SNURF: variants seen among roughly 807,000 people sequenced by gnomAD.
SNURF encodes SNRPN upstream open reading frame.
SNURF carries 6 observed loss-of-function variants against 11.6 expected under a neutral mutation model. The ratio of observed to expected loss-of-function variants is 0.52; its 90% CI spans 0.28 to 1.02. SNURF has a LOEUF of 1.02. SNURF is among the 50% of genes least tolerant of loss of function. SNURF has a pLI of 0.09. For missense variants in SNURF, 84 were observed against 88.4 expected (o/e 0.95, Z 0.20); for synonymous variants, 29 against 31.6 (o/e 0.92, Z 0.27).
At chr15:24,978,556 A>C, downstream of SNURF, 2 of 954,124 alleles carry the variant, frequency 2.1e-6, no homozygotes, top group Admixed American at 1.8e-5. Context: ...ATAGCTAATA[A>C]TAAATGCATA....
chr15:24,960,443 C>T (rs1018200990), intron 1 of SNURF, among the ~76,000 whole-genome samples: 13 of 152,018 alleles, frequency 8.6e-5, no homozygotes, highest in African/African-American at 2.2e-4. Flanking sequence ...TAGGCTCAAG[C>T]GCCCTCTCAC....
Position 24,962,113 on chromosome 15 carries a change from G to A in SNURF, c.15-1G>A. On this transcript the variant is annotated splice_acceptor_variant, in intron 1 of 2. Coordinates refer to ENST00000577949, the Ensembl canonical transcript of SNURF. LOFTEE classifies it high-confidence loss of function. Reference sequence around the variant, plus strand: ...ACAAATGCCTCTCTTTTCTGTTTCAGGGATCGCTTACACCTGAGACGAACT... The same window carrying A: ...ACAAATGCCTCTCTTTTCTGTTTCAAGGATCGCTTACACCTGAGACGAACT... 1 of 1,613,858 alleles carries A rather than the reference G, an allele frequency of 6.2e-7. No homozygotes were observed. The highest frequency in any genetic ancestry group is 8.5e-7 in the Non-Finnish European group (1 of 1,179,842).
rs116441120 is a variant in SNURF, at chr15:24,958,102, A to G, written c.14+3040A>G. The stretch of plus-strand genomic sequence containing the variant: ...TGCCTTATCTTGATTTCACTATTCT[A>G]TCTGACCAGTGTGTCATTGCCGAAA... On this transcript the variant is annotated intron_variant, in intron 1 of 2. Transcript: ENST00000577949. Among the ~76,000 whole-genome samples, 127 of 152,270 alleles carry G rather than the reference A, an allele frequency of 8.3e-4. 1 individual carries two copies. The highest frequency in any genetic ancestry group is 2.8e-3 in the African/African-American group (117 of 41,562).
At chr15:24,974,278 T>G in intron 3 of SNURF, 1 of 629,362 alleles carries the variant, frequency 1.6e-6, no homozygotes, top group South Asian at 2.0e-5. Context: ...CATGGTAGAT[T>G]GCAGTGCAGC....
intron 4 of SNURF, among the ~76,000 whole-genome samples, chr15:24,975,968 T>C (rs879575956): frequency 6.6e-6 from 1 of 152,218 alleles, no homozygotes; most frequent in Non-Finnish European, 1.5e-5. Context: ...GATTTAATTA[T>C]TTAAGTAATT....
At chr15:24,956,300 G>C (rs2062861668) in intron 1 of SNURF, among the ~76,000 whole-genome samples, 1 of 146,634 alleles carries the variant, frequency 6.8e-6, no homozygotes, top group African/African-American at 2.5e-5. Context: ...CCATTGTGCA[G>C]CTCCTTCAAG....
downstream of SNURF, chr15:24,978,203 T>G: frequency 1.9e-6 from 3 of 1,613,870 alleles, no homozygotes; most frequent in Non-Finnish European, 1.7e-6. Flanking sequence ...GCATTATGGC[T>G]CCTCCACCTG....
chr15:24,967,276 A>G (rs1391169497), intron 2 of SNURF: 1 of 152,800 alleles, frequency 6.5e-6, no homozygotes, highest in Non-Finnish European at 1.5e-5. Flanking sequence ...CCCTTGTACA[A>G]TCTCTGTGTA....
intron 6 of SNURF, chr15:24,977,636 C>CAA: frequency 7.4e-6 from 6 of 812,420 alleles, no homozygotes; most frequent in South Asian, 2.4e-5. Context: ...GAAACTGTCT[C>CAA]AAAAAAAAAC....
At chr15:24,978,311 C>T, downstream of SNURF, 2 of 1,614,114 alleles carry the variant, frequency 1.2e-6, no homozygotes, top group East Asian at 2.2e-5. Flanking sequence ...CTCCACCAGG[C>T]ATTAGAGGTG....
At chr15:24,966,867 A>G (rs924829725) in intron 2 of SNURF, among the ~76,000 whole-genome samples, 1 of 152,112 alleles carries the variant, frequency 6.6e-6, no homozygotes, top group Non-Finnish European at 1.5e-5. Context: ...GCAAGCTGTC[A>G]TTTCCTGTAT....
At chr15:24,978,031 A>G (rs1166587227), downstream of SNURF, 1 of 1,229,432 alleles carries the variant, frequency 8.1e-7, no homozygotes. Context: ...CTTCTTCTAG[A>G]TACTGGTTTT....
chr15:24,956,455 T>C (rs1426992374), intron 1 of SNURF, among the ~76,000 whole-genome samples: 2 of 151,964 alleles, frequency 1.3e-5, no homozygotes, highest in African/African-American at 4.8e-5. Context: ...GTACCCTCTT[T>C]AGGGTGCAGT....
At chr15:24,977,504 G>T (rs559056940) in intron 6 of SNURF, among the ~76,000 whole-genome samples, 1 of 152,178 alleles carries the variant, frequency 6.6e-6, no homozygotes, top group African/African-American at 2.4e-5. Flanking sequence ...GCTGTGTGTG[G>T]TGGTGGGTGC....
At chr15:24,963,689 T>A (rs1456273823) in intron 2 of SNURF, among the ~76,000 whole-genome samples, 1 of 152,130 alleles carries the variant, frequency 6.6e-6, no homozygotes, top group Non-Finnish European at 1.5e-5. Flanking sequence ...AGGTTTTTCC[T>A]CATAGTAAAA....
At chr15:24,971,247 A>G (rs909304271), downstream of SNURF, among the ~76,000 whole-genome samples, 2 of 152,188 alleles carry the variant, frequency 1.3e-5, no homozygotes, top group Non-Finnish European at 1.5e-5. Flanking sequence ...AAGATACACT[A>G]TGACTGCTCA....
chr15:24,955,872 G>A (rs926591014), intron 1 of SNURF, among the ~76,000 whole-genome samples: 12 of 151,902 alleles, frequency 7.9e-5, no homozygotes, highest in African/African-American at 1.2e-4. Context: ...CATGGCGGCC[G>A]CGGGGCCTGT....
chr15:24,975,915 A>C (rs2077010638), intron 4 of SNURF, among the ~76,000 whole-genome samples: 2 of 152,130 alleles, frequency 1.3e-5, no homozygotes, highest in South Asian at 4.1e-4. Context: ...CTCTTTGCCT[A>C]TCACTGTTCC....
At chr15:24,971,179 T>C (rs2076355857), downstream of SNURF, among the ~76,000 whole-genome samples, 1 of 152,218 alleles carries the variant, frequency 6.6e-6, no homozygotes, top group East Asian at 1.9e-4. Flanking sequence ...GTTTGAAAAC[T>C]TGTGCTTCTG....
Sources: allele counts gnomAD v4.1 joint callset (sites outside exome capture counted in the v4.1 genomes callset), GRCh38; gene constraint gnomAD v4.1.1; transcripts MANE v1.5; gene names NCBI Gene and HGNC (gene_info 2026-07-23, HGNC 2026-07-21).